RYR3: variants seen among roughly 807,000 people sequenced by gnomAD.
RYR3 encodes the protein brain ryanodine receptor-calcium release channel.
A neutral mutation model predicts 584.3 loss-of-function variants in RYR3; 207 were observed. That is an observed-to-expected ratio of 0.35 (90% CI 0.32 to 0.40). RYR3 has a LOEUF of 0.40. RYR3 is among the 10% of genes least tolerant of loss of function. The pLI is 1.00. For synonymous variants in RYR3, 2,416 were observed against 2,248.5 expected, an observed-to-expected ratio of 1.07 and a Z score of -2.11; for missense variants, 5,616 against 6,089.2, an observed-to-expected ratio of 0.92 and a Z score of 2.59.
rs770898624 is a variant in RYR3 at position 33,662,885 on chromosome 15, C to G, written c.5355C>G (p.Ala1785=). The change falls in exon 35 of 104, where the codon GCC becomes GCG. Residue 1785 remains alanine (A), a synonymous_variant. Transcript: ENST00000634891. The stretch of plus-strand genomic sequence containing the variant: ...AGGCTGTGGAGGCTGGGGAGAAGGC[C>G]GGCAAGGAGGCTCCTGTCAAAGGCT... The part of the protein sequence containing the change: ...EEKAVEAGEK[A]GKEAPVKGLL... 3 of 1,613,452 alleles carry G rather than the reference C, an allele frequency of 1.9e-6. No individual in the cohort carries two copies. Among genetic ancestry groups the G allele is most frequent in the Non-Finnish European group, 2.5e-6 (3 of 1,179,856 alleles).
rs554448958 is a variant in RYR3, at chr15:33,608,214, T to C, written c.2164+4850T>C. On this transcript the variant is annotated intron_variant, in intron 18 of 103. Coordinates refer to ENST00000634891, the MANE Select transcript of RYR3 (RefSeq NM_001036.6). Reference sequence around the variant, plus strand: ...GGAAGTTGAGCCTCTAGTAAAATCATAGGTCCTGGTTCATGCAGCAGGTAA... The same window carrying C: ...GGAAGTTGAGCCTCTAGTAAAATCACAGGTCCTGGTTCATGCAGCAGGTAA... 7.9e-5 allele frequency among the ~76,000 whole-genome samples: 12 copies of C among 152,346 alleles called. No homozygotes were observed. In the South Asian group the frequency reaches 1.7e-3, roughly 21 times the overall value.
At chr15:33,727,559 C>A (rs751014496) in intron 46 of RYR3, among the ~76,000 whole-genome samples, 3 of 152,166 alleles carry the variant, frequency 2.0e-5, no homozygotes, top group Non-Finnish European at 4.4e-5. Context: ...AAAACACTAA[C>A]TAATATCCCA....
At chr15:33,765,240 A>G (rs2072913643) in intron 60 of RYR3, among the ~76,000 whole-genome samples, 1 of 152,148 alleles carries the variant, frequency 6.6e-6, no homozygotes, top group African/African-American at 2.4e-5. Flanking sequence ...TTGGGCTAAA[A>G]GATGGATTCT....
chr15:33,854,523 G>A, intron 97 of RYR3, 74 bp downstream of exon 97: 1 of 1,302,220 alleles, frequency 7.7e-7, no homozygotes, highest in South Asian at 1.4e-5. Context: ...AGCTATGCAG[G>A]ATGCTCAGAA....
chr15:33,322,897 C>T (rs1377858670), intron 1 of RYR3, among the ~76,000 whole-genome samples: 3 of 150,856 alleles, frequency 2.0e-5, no homozygotes, highest in Non-Finnish European at 4.4e-5. Flanking sequence ...AAGCTCTTAA[C>T]CACTCTGTTG....
intron 1 of RYR3, among the ~76,000 whole-genome samples, chr15:33,352,676 C>T (rs1031502324): frequency 6.6e-6 from 1 of 152,182 alleles, no homozygotes; most frequent in Non-Finnish European, 1.5e-5. Flanking sequence ...GCTAACAATG[C>T]ATAGAATATT....
rs116436152 is a variant in RYR3, at chr15:33,375,331, A to G, written c.51+64235A>G. On this transcript the variant is annotated intron_variant, in intron 1 of 103. Coordinates refer to ENST00000634891, the MANE Select transcript of RYR3 (RefSeq NM_001036.6). ...GTTAAGTCCCCAGTGGTCTGCTGCC[A>G]GAGAGATGTTGATTGTTTAGATGGC... Among the ~76,000 whole-genome samples, 913 of 152,306 alleles carry G rather than the reference A, an allele frequency of 6.0e-3. 13 individuals carry two copies. Among genetic ancestry groups the G allele is most frequent in the African/African-American group, 0.021 (873 of 41,560 alleles).
In RYR3 at chr15:33,855,065, T is replaced by C. The variant is rs530364995; in HGVS notation, c.14007+153T>C. The C allele has an allele frequency of 8.5e-6, 6 of 703,176 alleles. No individual in the cohort carries two copies. The South Asian group carries it at 2.6e-4, about 30-fold the overall frequency. 43.6% of individuals were successfully genotyped at this position (703,176 alleles called of 1,614,324 possible). Reference sequence around the variant, plus strand: ...ACACTTCAACTAATGGTGATTGTTTTTGCAAAATTGTAGCCAATTAAAAAT... The same window carrying C: ...ACACTTCAACTAATGGTGATTGTTTCTGCAAAATTGTAGCCAATTAAAAAT... On this transcript the variant is annotated intron_variant, in intron 98 of 103. Transcript: ENST00000634891.
Position 33,771,976 on chromosome 15 carries a change from A to T in RYR3, c.8873A>T (p.Glu2958Val), listed in dbSNP as rs1429197206. The part of the protein sequence containing the change: ...LVKAGLRAFF[E>V]NAAEDLEKTS... ...AAGGCTGGGTTACGAGCATTCTTTG[A>T]AAATGCTGCAGAAGATTTGGAGAAG... The change falls in exon 63 of 104, where the codon GAA (glutamate) becomes GTA (valine). Residue 2958 changes from glutamate to valine, a missense_variant. Glu to Val is a moderately radical substitution (Grantham distance 121). Coordinates refer to ENST00000634891, the MANE Select transcript of RYR3 (RefSeq NM_001036.6). The T allele has an allele frequency of 6.2e-7, 1 of 1,613,592 alleles. No homozygotes were observed.
intron 9 of RYR3, among the ~76,000 whole-genome samples, chr15:33,548,948 A>T (rs1332568955): frequency 6.6e-6 from 1 of 152,108 alleles, no homozygotes; most frequent in Non-Finnish European, 1.5e-5. Context: ...CCCCGAAAAT[A>T]TGTTCAAAAT....
intron 69 of RYR3, among the ~76,000 whole-genome samples, chr15:33,803,832 TA>T (rs2076045675): frequency 6.6e-6 from 1 of 152,230 alleles, no homozygotes. Context: ...CAAATTGGGG[TA>T]GATTCAATGG....
chr15:33,710,830 C>T (rs1025255566), intron 43 of RYR3, among the ~76,000 whole-genome samples: 1 of 152,208 alleles, frequency 6.6e-6, no homozygotes, highest in Non-Finnish European at 1.5e-5. Flanking sequence ...ATTTGAGCCA[C>T]AGCTAGAGTT....
At position 33,613,291 on chromosome 15, in the gene RYR3, A is replaced by G. The variant is rs757349262; in HGVS notation, c.2273A>G (p.Asn758Ser). 9.9e-6 allele frequency: 16 copies of G among 1,613,980 alleles called. No individual in the cohort carries two copies. Among genetic ancestry groups the G allele is most frequent in the Non-Finnish European group, 1.2e-5 (14 of 1,179,880 alleles). Residue 758 changes from asparagine (N) to serine (S), a missense_variant, in exon 19 of 104, where the codon AAT becomes AGT. Physicochemically the swap from Asn to Ser is conservative, Grantham distance 46 (BLOSUM62 1). Transcript: ENST00000634891. ...GTGCCCAGCATCTCATTCCGCATCA[A>G]TGGGCAGCCCGTGCAGGGGATGTTT... ...LGVPSISFRI[N>S]GQPVQGMFEN...
At chr15:33,413,460 C>T (rs1262417876) in intron 1 of RYR3, among the ~76,000 whole-genome samples, 4 of 152,210 alleles carry the variant, frequency 2.6e-5, no homozygotes, top group Non-Finnish European at 1.5e-5. Context: ...CAGTCATTGC[C>T]ACTGAGAGCT....
chr15:33,772,048 A>G lies in RYR3; in HGVS notation c.8945A>G (p.Gln2982Arg), dbSNP rs762655537. Reference protein sequence around the residue: ...KLGKFTHSRTQIKGVSQNINY... With the variant: ...KLGKFTHSRTRIKGVSQNINY... ...GGGAAGTTCACCCATTCCCGAACGC[A>G]GATTAAAGGCGTTTCTCAGAATATT... The change falls in exon 63 of 104, where the codon CAG becomes CGG. Residue 2982 changes from glutamine (Q) to arginine (R), a missense_variant. Transcript: ENST00000634891. The G allele has an allele frequency of 3.3e-5, 53 of 1,613,562 alleles. No homozygotes were observed. In the Admixed American group the frequency reaches 8.8e-4, roughly 27 times the overall value.
chr15:33,778,170 AAAATAAAT>A (rs112695825), intron 64 of RYR3, among the ~76,000 whole-genome samples: 7 of 148,302 alleles, frequency 4.7e-5, no homozygotes, highest in Admixed American at 1.3e-4. Flanking sequence ...ACTCTGTCTC[AAAATAAAT>A]AAATAAATAA....
intron 87 of RYR3, among the ~76,000 whole-genome samples, chr15:33,836,119 T>G: frequency 9.2e-6 from 1 of 108,764 alleles, no homozygotes; most frequent in East Asian, 2.2e-4. Flanking sequence ...TGGTTTTTGG[T>G]TTCTTTTTTT....
intron 6 of RYR3, 85 bp downstream of exon 6, chr15:33,539,547 A>C: frequency 1.3e-6 from 1 of 782,316 alleles, no homozygotes; most frequent in Non-Finnish European, 2.2e-6. Flanking sequence ...GAGCCACAGC[A>C]GGTTGGATAG....
chr15:33,663,871 C>T (rs2063312488), intron 36 of RYR3, 134 bp downstream of exon 36: 1 of 708,498 alleles, frequency 1.4e-6, no homozygotes, highest in Non-Finnish European at 2.3e-6. Context: ...CACTGCAATA[C>T]CAGGAGACAG....
Sources: gnomAD v4.1 joint callset for allele counts (sites outside exome capture counted in the v4.1 genomes callset) on GRCh38, gnomAD v4.1.1 for gene constraint, MANE v1.5 for transcripts, NCBI Gene and HGNC (gene_info 2026-07-23, HGNC 2026-07-21) for gene names.